Variants in COBL observed in about 807,000 individuals in gnomAD.
The protein encoded by COBL is protein cordon-bleu.
In COBL, 51 loss-of-function variants were observed where a neutral mutation model predicts 98.8. The ratio of observed to expected loss-of-function variants is 0.52; its 90% CI spans 0.41 to 0.65. The LOEUF (loss-of-function observed/expected upper bound fraction) is 0.65. Among genes scored for constraint, COBL ranks in the 30% least tolerant of loss-of-function variants. The pLI, the probability that COBL is intolerant of heterozygous loss-of-function variation, is 0.00. For synonymous variants in COBL, 634 were observed against 651.7 expected (o/e 0.97, Z 0.41); for missense variants, 1,617 against 1,617.5 (o/e 1.00, Z 0.01).
intron 8 of COBL, among the ~76,000 whole-genome samples, chr7:51,037,759 T>G: frequency 6.6e-6 from 1 of 152,256 alleles, no homozygotes; most frequent in East Asian, 1.9e-4. Context: ...AACTGAGATT[T>G]ATTCTGCAGT....
intron 5 of COBL, among the ~76,000 whole-genome samples, chr7:51,147,512 G>T (rs562815688): frequency 6.6e-6 from 1 of 152,176 alleles, no homozygotes; most frequent in Admixed American, 6.5e-5. Context: ...ACAGGACCTC[G>T]CTTTCTGTAT....
intron 7 of COBL, among the ~76,000 whole-genome samples, chr7:51,066,491 G>C (rs1056175824): frequency 6.6e-6 from 1 of 152,184 alleles, no homozygotes; most frequent in African/African-American, 2.4e-5. Flanking sequence ...GACTGGCAAG[G>C]TTCAAGTCCT....
intron 6 of COBL, among the ~76,000 whole-genome samples, chr7:51,116,640 C>A (rs1478224429): frequency 2.6e-5 from 4 of 152,012 alleles, no homozygotes; most frequent in African/African-American, 9.7e-5. Context: ...GTTTATCTAG[C>A]TATGTACCAT....
At chr7:51,214,020 C>G (rs976038814) in intron 2 of COBL, among the ~76,000 whole-genome samples, 1 of 152,070 alleles carries the variant, frequency 6.6e-6, no homozygotes, top group Non-Finnish European at 1.5e-5. Context: ...AATCCCAGCA[C>G]TTTGGGAGGC....
rs137856457 is a variant in COBL, at chr7:51,177,948, C to T, written c.783+6154G>A. ...TCACATGAGAGTCAGGAGTTTGAGA[C>T]GAGCCTGGCCAATATGGTGAAACCC... On this transcript the variant is annotated intron_variant, in intron 5 of 12. Transcript: ENST00000265136. Among the ~76,000 whole-genome samples the T allele has an allele frequency of 2.2e-4, 34 of 152,040 alleles. 1 individual carries two copies. In the East Asian group the frequency reaches 6.4e-3, roughly 28 times the overall value.
chr7:51,022,888 AG>A (rs1787082757), intron 12 of COBL: 2 of 152,268 alleles, frequency 1.3e-5, no homozygotes, highest in Admixed American at 6.5e-5. Context: ...CTTAATGTAA[AG>A]TCACTTGGAT....
chr7:51,082,929 C>T, intron 7 of COBL: 2 of 841,644 alleles, frequency 2.4e-6, no homozygotes, highest in Non-Finnish European at 3.8e-6. Flanking sequence ...CATTGGGAAA[C>T]AAGAGCTGAG....
chr7:51,030,426 G>A (rs1156304738), intron 9 of COBL, among the ~76,000 whole-genome samples: 1 of 152,154 alleles, frequency 6.6e-6, no homozygotes, highest in Non-Finnish European at 1.5e-5. Context: ...GTGGTCAAAA[G>A]GCTGAGTATT....
intron 8 of COBL, chr7:51,031,272 C>T (rs1313465875): frequency 9.9e-6 from 2 of 201,242 alleles, no homozygotes; most frequent in Non-Finnish European, 2.0e-5. Context: ...TTTAATTCCA[C>T]CGCACAAAAG....
chr7:51,244,288 T>C (rs1796085902), intron 1 of COBL, among the ~76,000 whole-genome samples: 1 of 152,186 alleles, frequency 6.6e-6, no homozygotes, highest in Non-Finnish European at 1.5e-5. Context: ...CATGCCCCGG[T>C]GCCCCATGAC....
Position 51,043,513 on chromosome 7 carries a change from T to G in COBL, c.1276A>C (p.Met426Leu), listed in dbSNP as rs137938302. ...GTGGCCCACTTGTCTTTGTATTTCA[T>G]GCTGTCCTGCTGCGAGTCCAGAGAG... is the stretch of plus-strand genomic sequence containing the variant. ...IVSLDSQQDS[M>L]KYKDKWATDQ... is the part of the protein sequence containing the mutation. The change falls in exon 8 of 13, where the codon ATG becomes CTG. Residue 426 changes from methionine to leucine, a missense_variant. By Grantham distance (15) the Met-to-Leu change is conservative. Coordinates refer to ENST00000265136, the MANE Select transcript of COBL (RefSeq NM_015198.5). 1 of 1,614,228 alleles carries G rather than the reference T, an allele frequency of 6.2e-7. No homozygotes were observed. The highest frequency in any genetic ancestry group is 1.3e-5 in the African/African-American group (1 of 75,062).
intron 1 of COBL, among the ~76,000 whole-genome samples, chr7:51,253,827 A>G (rs1325941864): frequency 6.6e-6 from 1 of 152,262 alleles, no homozygotes; most frequent in African/African-American, 2.4e-5. Context: ...CAAAATTATC[A>G]GAATTAAGTC....
At chr7:51,157,887 T>C (rs1189810611) in intron 5 of COBL, among the ~76,000 whole-genome samples, 1 of 152,242 alleles carries the variant, frequency 6.6e-6, no homozygotes. Context: ...TATATAATTT[T>C]TATTTGTCAA....
chr7:51,148,249 G>T (rs1785229939), intron 5 of COBL, among the ~76,000 whole-genome samples: 2 of 152,252 alleles, frequency 1.3e-5, no homozygotes, highest in South Asian at 4.1e-4. Flanking sequence ...CAGAGTGACT[G>T]GGGGGTGGGC....
intron 1 of COBL, chr7:51,259,279 T>G: frequency 6.4e-6 from 1 of 157,224 alleles, no homozygotes; most frequent in Non-Finnish European, 1.2e-5. Flanking sequence ...AGAGTGAGAC[T>G]CCAGCTCAAA....
At chr7:51,187,357 T>C (rs530638573) in intron 4 of COBL, among the ~76,000 whole-genome samples, 49 of 145,036 alleles carry the variant, frequency 3.4e-4, no homozygotes, top group Middle Eastern at 3.8e-3. Context: ...CACACACACA[T>C]ATATCTATAT....
chr7:51,192,620 C>T (rs1790220558), intron 3 of COBL, among the ~76,000 whole-genome samples: 1 of 152,062 alleles, frequency 6.6e-6, no homozygotes, highest in South Asian at 2.1e-4. Context: ...ACAACAACAA[C>T]AAAAACAATA....
At chr7:51,230,911 G>T (rs953453171) in intron 1 of COBL, among the ~76,000 whole-genome samples, 1 of 152,198 alleles carries the variant, frequency 6.6e-6, no homozygotes, top group Non-Finnish European at 1.5e-5. Flanking sequence ...AGTCACAAAA[G>T]AGGAAGTCAC....
At chr7:51,307,702 G>A (rs1031362467) in intron 1 of COBL, among the ~76,000 whole-genome samples, 4 of 152,180 alleles carry the variant, frequency 2.6e-5, no homozygotes, top group Non-Finnish European at 5.9e-5. Context: ...TTACTTTTCT[G>A]TTGACTGTGA....
Sources: allele counts gnomAD v4.1 joint callset (sites outside exome capture counted in the v4.1 genomes callset), GRCh38; gene constraint gnomAD v4.1.1; transcripts MANE v1.5; gene names NCBI Gene and HGNC (gene_info 2026-07-23, HGNC 2026-07-21).